AKR1C4: variants seen among roughly 807,000 people sequenced by gnomAD.
The protein encoded by AKR1C4 is 3-alpha-HSD1.
AKR1C4 carries 44 observed loss-of-function variants against 41.0 expected under a neutral mutation model. The observed-to-expected ratio is 1.07, with a 90% CI of 0.84 to 1.38. AKR1C4 has a LOEUF of 1.38. Among genes scored for constraint, AKR1C4 ranks in the 40% most tolerant of loss-of-function variants. AKR1C4 has a pLI of 0.00. For synonymous variants in AKR1C4, 165 were observed against 137.7 expected (o/e 1.20, Z -1.39); for missense variants, 438 against 387.9 (o/e 1.13, Z -1.09).
In AKR1C4 at chr10:5,207,665, T is replaced by C. The variant is rs552898561; in HGVS notation, c.570+1268T>C. 2.8e-5 allele frequency: 28 copies of C among 1,016,570 alleles called. No individual in the cohort carries two copies. The African/African-American group carries it at 3.3e-4, about 12-fold the overall frequency. 63.0% of individuals were successfully genotyped at this position (1,016,570 alleles called of 1,614,324 possible). ...CATTTGCAGCCTACCTGTGCAATCA[T>C]AGGACATGAAATAAAGGAAGGACTT... On this transcript the variant is annotated intron_variant, in intron 5 of 8. Coordinates refer to ENST00000263126, the MANE Select transcript of AKR1C4 (RefSeq NM_001818.5).
intron 6 of AKR1C4, 102 bp downstream of exon 6, chr10:5,212,827 TA>T: frequency 7.1e-7 from 1 of 1,416,930 alleles, no homozygotes; most frequent in Non-Finnish European, 9.6e-7. Context: ...TGGGTCAGGG[TA>T]AGGGGATAAT....
At chr10:5,205,672 G>T (rs1174318525) in intron 3 of AKR1C4, 85 bp from the exon 4 acceptor site, 13 of 1,195,684 alleles carry the variant, frequency 1.1e-5, no homozygotes, top group Middle Eastern at 2.0e-4. Flanking sequence ...CCTCACGGTG[G>T]ATTATTATCC....
chr10:5,202,696 G>A (rs1329217979), intron 2 of AKR1C4, among the ~76,000 whole-genome samples: 1 of 152,038 alleles, frequency 6.6e-6, no homozygotes, highest in Non-Finnish European at 1.5e-5. Context: ...ATAAATGGAT[G>A]TTGGATTTTA....
intron 3 of AKR1C4, chr10:5,204,725 A>G: frequency 7.8e-6 from 5 of 644,782 alleles, no homozygotes; most frequent in Non-Finnish European, 1.4e-5. Context: ...ATTCAAGAAA[A>G]TAACAACAGC....
At chr10:5,208,575 T>C (rs781805133) in intron 5 of AKR1C4, among the ~76,000 whole-genome samples, 1 of 151,550 alleles carries the variant, frequency 6.6e-6, no homozygotes, top group Non-Finnish European at 1.5e-5. Context: ...TCAAAATATA[T>C]TCCAATGATC....
chr10:5,213,422 C>CCTTTT (rs1325027767), intron 7 of AKR1C4, among the ~76,000 whole-genome samples: 2 of 152,088 alleles, frequency 1.3e-5, no homozygotes, highest in African/African-American at 4.8e-5. Flanking sequence ...AGGGACATCA[C>CCTTTT]CTTTTCTTCA....
chr10:5,216,786 A>T lies in AKR1C4; in HGVS notation c.922A>T (p.Met308Leu). ...AAACAGAAATTATCGATATGTTGTC[A>T]TGGATTTGTAAGTAACTTTGGAAAA... ...GLNRNYRYVV[M>L]DFLMDHPDYP... Residue 308 changes from methionine to leucine, a missense_variant, in exon 8 of 9, where the codon ATG (methionine) becomes TTG (leucine). Coordinates refer to ENST00000263126, the MANE Select transcript of AKR1C4 (RefSeq NM_001818.5). 6.2e-7 allele frequency: 1 copy of T among 1,606,178 alleles called. No homozygotes were observed. Among genetic ancestry groups the T allele is most frequent in the Non-Finnish European group, 8.5e-7 (1 of 1,174,602 alleles).
chr10:5,216,195 A>C (rs1331995993), intron 7 of AKR1C4, among the ~76,000 whole-genome samples: 1 of 152,210 alleles, frequency 6.6e-6, no homozygotes. Flanking sequence ...TTTAAACCAG[A>C]TTTCATGTGA....
In AKR1C4 at chr10:5,213,123, G is replaced by A; in HGVS notation, c.810G>A (p.Lys270=). 6.2e-7 allele frequency: 1 copy of A among 1,614,092 alleles called. No individual in the cohort carries two copies. Among genetic ancestry groups the A allele is most frequent in the Non-Finnish European group, 8.5e-7 (1 of 1,180,030 alleles). ...AGCGTGGGGTTGTGGTCCTGGCCAAGAGCTACAATGAGCAGCGGATCAGAG... is the reference window on the plus strand; with the variant it reads ...AGCGTGGGGTTGTGGTCCTGGCCAAAAGCTACAATGAGCAGCGGATCAGAG... ...QLQRGVVVLA[K]SYNEQRIREN... The change falls in exon 7 of 9, where the codon AAG becomes AAA. Residue 270 remains lysine (K), a synonymous_variant. Transcript: ENST00000263126.
rs78849841 is a variant in AKR1C4, at chr10:5,201,488, A to G, written c.252+1140A>G. Among the ~76,000 whole-genome samples, 1,034 of 152,266 alleles carry G rather than the reference A, an allele frequency of 6.8e-3. 11 individuals carry two copies. The highest frequency in any genetic ancestry group is 0.024 in the African/African-American group (995 of 41,558). Reference sequence around the variant, plus strand: ...TCTTGGTGACTTGAGTTCCTTGTAGATTCTGGATAATCAGTCCTTTGCTGG... The same window carrying G: ...TCTTGGTGACTTGAGTTCCTTGTAGGTTCTGGATAATCAGTCCTTTGCTGG... On this transcript the variant is annotated intron_variant, in intron 2 of 8. Transcript: ENST00000263126.
chr10:5,211,484 C>T (rs1028582415), intron 5 of AKR1C4, among the ~76,000 whole-genome samples: 4 of 151,472 alleles, frequency 2.6e-5, no homozygotes, highest in African/African-American at 9.7e-5. Context: ...ATGTCAATTT[C>T]TGCTAAAACA....
intron 5 of AKR1C4, chr10:5,207,688 C>G (rs1564402516): frequency 1.3e-6 from 1 of 749,660 alleles, no homozygotes; most frequent in Admixed American, 2.1e-5. Flanking sequence ...AAAGGAAGGA[C>G]TTGAGAAACT....
intron 2 of AKR1C4, among the ~76,000 whole-genome samples, chr10:5,202,155 G>A (rs1399131048): frequency 6.6e-6 from 1 of 152,054 alleles, no homozygotes; most frequent in Non-Finnish European, 1.5e-5. Context: ...CTATCCATAA[G>A]CATGGGATGT....
At chr10:5,216,256 G>A (rs1832655196) in intron 7 of AKR1C4, among the ~76,000 whole-genome samples, 1 of 152,130 alleles carries the variant, frequency 6.6e-6, no homozygotes. Flanking sequence ...AGCCATTCAT[G>A]AGGGATGCCC....
At chr10:5,208,974 A>C (rs1832530665) in intron 5 of AKR1C4, among the ~76,000 whole-genome samples, 1 of 146,542 alleles carries the variant, frequency 6.8e-6, no homozygotes. Flanking sequence ...TGTTGTTCCA[A>C]GTTTTTAAAA....
chr10:5,212,858 C>G (rs1831977), intron 6 of AKR1C4, 133 bp downstream of exon 6: 193,165 of 1,380,924 alleles, frequency 0.14, 14,609 homozygotes, highest in Admixed American at 0.19. Flanking sequence ...TTATGAGATA[C>G]CAGGTGATGC....
At chr10:5,214,160 TATAC>T (rs1250052839) in intron 7 of AKR1C4, among the ~76,000 whole-genome samples, 2 of 152,170 alleles carry the variant, frequency 1.3e-5, no homozygotes, top group Non-Finnish European at 2.9e-5. Flanking sequence ...CAAATGTACA[TATAC>T]ATAATCTTCA....
intron 7 of AKR1C4, among the ~76,000 whole-genome samples, chr10:5,214,797 CTG>C (rs1832632673): frequency 6.6e-6 from 1 of 152,012 alleles, no homozygotes; most frequent in South Asian, 2.1e-4. Context: ...CTCTCATTCT[CTG>C]TATCATTAGA....
At chr10:5,198,075 A>G (rs1273579094) in intron 1 of AKR1C4, among the ~76,000 whole-genome samples, 2 of 152,218 alleles carry the variant, frequency 1.3e-5, no homozygotes, top group African/African-American at 4.8e-5. Flanking sequence ...ATCTTTATCC[A>G]AATTTGGTAG....
Sources: gnomAD v4.1 joint callset for allele counts (sites outside exome capture counted in the v4.1 genomes callset) on GRCh38, gnomAD v4.1.1 for gene constraint, MANE v1.5 for transcripts, NCBI Gene and HGNC (gene_info 2026-07-23, HGNC 2026-07-21) for gene names.